KCND2: variants seen among roughly 807,000 people sequenced by gnomAD.
KCND2 encodes the protein A-type voltage-gated potassium channel KCND2.
KCND2 carries 16 observed loss-of-function variants against 54.4 expected under a neutral mutation model. The observed-to-expected ratio is 0.29, with a 90% confidence interval of 0.20 to 0.45. The LOEUF is 0.45. Ranked by LOEUF, KCND2 falls within the 20% of genes least tolerant of loss-of-function variation. The pLI is 1.00. For missense variants in KCND2, 486 were observed against 824.2 expected, an observed-to-expected ratio of 0.59 and a Z score of 5.02; for synonymous variants, 317 against 310.7, an observed-to-expected ratio of 1.02 and a Z score of -0.21.
chr7:120,378,812 A>G (rs1205722379), intron 1 of KCND2, among the ~76,000 whole-genome samples: 1 of 152,036 alleles, frequency 6.6e-6, no homozygotes, highest in Non-Finnish European at 1.5e-5. Flanking sequence ...TTGAAAAAAT[A>G]TAGAATCTCA....
chr7:120,333,666 C>A (rs1800101135), intron 1 of KCND2, among the ~76,000 whole-genome samples: 1 of 152,050 alleles, frequency 6.6e-6, no homozygotes, highest in Non-Finnish European at 1.5e-5. Flanking sequence ...ATTTGACACT[C>A]TAAAATTTAT....
intron 1 of KCND2, among the ~76,000 whole-genome samples, chr7:120,472,877 C>T (rs539424205): frequency 1.3e-5 from 2 of 152,258 alleles, no homozygotes; most frequent in African/African-American, 4.8e-5. Context: ...GGGCTGAAAT[C>T]CACAGCAGGA....
intron 1 of KCND2, among the ~76,000 whole-genome samples, chr7:120,585,133 A>G (rs1250588614): frequency 4.6e-5 from 7 of 152,076 alleles, no homozygotes; most frequent in Admixed American, 4.6e-4. Context: ...AGTATAATAA[A>G]GGCATTACTA....
At chr7:120,370,780 G>A (rs1800754005) in intron 1 of KCND2, among the ~76,000 whole-genome samples, 1 of 152,036 alleles carries the variant, frequency 6.6e-6, no homozygotes, top group Non-Finnish European at 1.5e-5. Context: ...CTCATAATCT[G>A]TACTGTTCAT....
At position 120,334,484 on chromosome 7, in the gene KCND2, G is replaced by C. The variant is rs138432708; in HGVS notation, c.1115+58737G>C. On this transcript the variant is annotated intron_variant, in intron 1 of 5. Coordinates refer to ENST00000331113, the MANE Select transcript of KCND2 (RefSeq NM_012281.3). ...CAGTAATGAATATGTCCTTACTAGA[G>C]TTGATAATTAACTGTCCCTGACTTG... Among the ~76,000 whole-genome samples the C allele has an allele frequency of 1.2e-3, 178 of 152,272 alleles. 1 individual carries two copies. The highest frequency in any genetic ancestry group is 4.2e-3 in the African/African-American group (175 of 41,546).
At chr7:120,327,810 G>C (rs1800001008) in intron 1 of KCND2, among the ~76,000 whole-genome samples, 2 of 151,576 alleles carry the variant, frequency 1.3e-5, no homozygotes, top group Admixed American at 6.6e-5. Flanking sequence ...AACTGTTCTT[G>C]GTCACTTAAA....
intron 1 of KCND2, among the ~76,000 whole-genome samples, chr7:120,665,996 A>G (rs1170199220): frequency 1.3e-5 from 2 of 152,148 alleles, no homozygotes; most frequent in Non-Finnish European, 1.5e-5. Flanking sequence ...ATCAAAAAAT[A>G]GTACTGGAGG....
intron 1 of KCND2, among the ~76,000 whole-genome samples, chr7:120,458,239 T>C (rs561678267): frequency 6.6e-6 from 1 of 152,330 alleles, no homozygotes; most frequent in South Asian, 2.1e-4. Flanking sequence ...TCTTATATAC[T>C]AACTCGTTAT....
At chr7:120,472,458 ATC>A (rs1302079555) in intron 1 of KCND2, among the ~76,000 whole-genome samples, 2 of 152,060 alleles carry the variant, frequency 1.3e-5, no homozygotes, top group African/African-American at 2.4e-5. Context: ...CTAGTAGTGA[ATC>A]TCTGTCATCA....
chr7:120,328,135 G>C (rs541277790), intron 1 of KCND2, among the ~76,000 whole-genome samples: 1 of 152,176 alleles, frequency 6.6e-6, no homozygotes, highest in East Asian at 1.9e-4. Context: ...ACTGGACCTG[G>C]TGGTGGTATT....
chr7:120,710,774 A>G (rs1203449149), intron 1 of KCND2, among the ~76,000 whole-genome samples: 2 of 152,296 alleles, frequency 1.3e-5, no homozygotes, highest in East Asian at 3.9e-4. Flanking sequence ...AGGAACTCAC[A>G]TAGCTAATCA....
At chr7:120,504,043 A>G (rs904536770) in intron 1 of KCND2, among the ~76,000 whole-genome samples, 1 of 151,994 alleles carries the variant, frequency 6.6e-6, no homozygotes, top group Non-Finnish European at 1.5e-5. Context: ...ATAAATAATG[A>G]AAGAGATTTG....
chr7:120,387,610 G>T lies in KCND2; in HGVS notation c.1115+111863G>T, dbSNP rs12539149. Among the ~76,000 whole-genome samples the T allele has an allele frequency of 3.3e-5, 5 of 151,852 alleles. No individual in the cohort carries two copies. The East Asian group carries it at 9.7e-4, about 29-fold the overall frequency. On this transcript the variant is annotated intron_variant, in intron 1 of 5. Coordinates refer to ENST00000331113, the MANE Select transcript of KCND2 (RefSeq NM_012281.3). ...AAATCCAAACTGTATTTTATAAATTGGTTAGGAAAATAATTATTTAAAATG... is the reference window on the plus strand; with the variant it reads ...AAATCCAAACTGTATTTTATAAATTTGTTAGGAAAATAATTATTTAAAATG...
chr7:120,658,181 T>G (rs1409582052), intron 1 of KCND2, among the ~76,000 whole-genome samples: 1 of 152,156 alleles, frequency 6.6e-6, no homozygotes, highest in East Asian at 1.9e-4. Context: ...GTAATTTTTT[T>G]TTCCAGAAAG....
chr7:120,489,262 T>C (rs1802739856), intron 1 of KCND2, among the ~76,000 whole-genome samples: 1 of 152,100 alleles, frequency 6.6e-6, no homozygotes, highest in Non-Finnish European at 1.5e-5. Flanking sequence ...GTGAACACTC[T>C]TAATTTGATA....
At chr7:120,686,270 T>C (rs1209849710) in intron 1 of KCND2, among the ~76,000 whole-genome samples, 2 of 152,206 alleles carry the variant, frequency 1.3e-5, no homozygotes, top group East Asian at 1.9e-4. Context: ...TAGATACATA[T>C]GCCCAGAAGT....
chr7:120,722,199 C>A (rs1780699760), intron 1 of KCND2, among the ~76,000 whole-genome samples: 1 of 152,196 alleles, frequency 6.6e-6, no homozygotes, highest in African/African-American at 2.4e-5. Flanking sequence ...AAATGACCCT[C>A]TCATGGTAAA....
At chr7:120,738,604 A>G (rs939657452) in intron 2 of KCND2, among the ~76,000 whole-genome samples, 1 of 152,078 alleles carries the variant, frequency 6.6e-6, no homozygotes, top group Non-Finnish European at 1.5e-5. Context: ...AAAATAAAGT[A>G]CTTACTGAAA....
intron 1 of KCND2, among the ~76,000 whole-genome samples, chr7:120,324,372 C>A (rs1472222625): frequency 9.0e-5 from 13 of 145,114 alleles, no homozygotes; most frequent in African/African-American, 2.8e-4. Context: ...GAAGTCCTTG[C>A]CCATGCCTAT....
Sources: allele counts gnomAD v4.1 joint callset (sites outside exome capture counted in the v4.1 genomes callset), GRCh38; gene constraint gnomAD v4.1.1; transcripts MANE v1.5; gene names NCBI Gene and HGNC (gene_info 2026-07-23, HGNC 2026-07-21).